Variants in RYR2 observed in about 807,000 individuals in gnomAD.
The protein encoded by RYR2 is ryanodine receptor 2, also known as cardiac muscle ryanodine receptor-calcium release channel.
A neutral mutation model predicts 601.1 loss-of-function variants in RYR2; 227 were observed. The ratio of observed to expected loss-of-function variants is 0.38; its 90% CI spans 0.34 to 0.42. The LOEUF is 0.42. Among genes scored for constraint, RYR2 ranks in the 10% least tolerant of loss-of-function variants. The pLI is 1.00. For missense variants in RYR2, 4,646 were observed against 6,156.5 expected (o/e 0.75, Z 8.21); for synonymous variants, 2,223 against 2,175.1 (o/e 1.02, Z -0.61).
At chr1:237,305,039 A>T (rs1327521717) in intron 2 of RYR2, among the ~76,000 whole-genome samples, 1 of 152,240 alleles carries the variant, frequency 6.6e-6, no homozygotes, top group Non-Finnish European at 1.5e-5. Context: ...GTGGAGCAGG[A>T]GGAACTTTCA....
At chr1:237,198,163 A>G (rs1680770879) in intron 1 of RYR2, among the ~76,000 whole-genome samples, 1 of 152,230 alleles carries the variant, frequency 6.6e-6, no homozygotes, top group African/African-American at 2.4e-5. Flanking sequence ...AATGGTTTCC[A>G]GAAAGCACTG....
chr1:237,498,939 C>T (rs1279899762), intron 20 of RYR2, among the ~76,000 whole-genome samples: 2 of 152,070 alleles, frequency 1.3e-5, no homozygotes, highest in African/African-American at 4.8e-5. Context: ...TCTTAAGCCA[C>T]TGGGAGTCTA....
chr1:237,567,358 C>T (rs1672189428), intron 28 of RYR2, among the ~76,000 whole-genome samples: 1 of 143,202 alleles, frequency 7.0e-6, no homozygotes, highest in African/African-American at 2.6e-5. Context: ...ATGGAGGGAT[C>T]ACTTGGGGCT....
intron 10 of RYR2, among the ~76,000 whole-genome samples, chr1:237,403,377 A>ACACTGGC (rs1703562646): frequency 6.6e-6 from 1 of 152,200 alleles, no homozygotes; most frequent in Non-Finnish European, 1.5e-5. Context: ...AAAAGTGCTT[A>ACACTGGC]AAGAAAATAT....
chr1:237,058,733 T>G (rs1662477004), intron 1 of RYR2, among the ~76,000 whole-genome samples: 2 of 128,614 alleles, frequency 1.6e-5, no homozygotes, highest in African/African-American at 5.9e-5. Flanking sequence ...CCTTCCTTCC[T>G]CCCCGGAGAC....
At chr1:237,711,723 A>G (rs1214407057) in intron 70 of RYR2, 22 bp from the exon 71 acceptor site, 7 of 1,379,264 alleles carry the variant, frequency 5.1e-6, no homozygotes, top group Non-Finnish European at 7.2e-6. Flanking sequence ...TTTTAACTGA[A>G]ATTTCCTTTG....
chr1:237,306,494 T>G (rs1056431581), intron 2 of RYR2, among the ~76,000 whole-genome samples: 2 of 152,244 alleles, frequency 1.3e-5, no homozygotes, highest in Admixed American at 1.3e-4. Flanking sequence ...TGAGGACATT[T>G]AAATTGATTT....
chr1:237,199,954 TTTTG>T (rs1230864001), intron 1 of RYR2, among the ~76,000 whole-genome samples: 1 of 152,104 alleles, frequency 6.6e-6, no homozygotes, highest in African/African-American at 2.4e-5. Flanking sequence ...ATTAGCCGAG[TTTTG>T]TTTATTATAA....
chr1:237,742,949 C>G (rs948811917), intron 80 of RYR2, among the ~76,000 whole-genome samples: 3 of 152,178 alleles, frequency 2.0e-5, no homozygotes, highest in Admixed American at 6.5e-5. Flanking sequence ...TGTTACTTAG[C>G]CCAAAGGAAA....
chr1:237,607,174 C>T (rs1677220586), intron 35 of RYR2, among the ~76,000 whole-genome samples: 1 of 152,156 alleles, frequency 6.6e-6, no homozygotes, highest in Non-Finnish European at 1.5e-5. Flanking sequence ...GGAACCAACC[C>T]AAATGTCCAT....
chr1:237,715,329 A>G (rs1272697914), intron 71 of RYR2, among the ~76,000 whole-genome samples: 1 of 152,186 alleles, frequency 6.6e-6, no homozygotes. Context: ...AAAATACCCA[A>G]TATGTGCGTA....
chr1:237,731,290 A>C (rs1690655520), intron 77 of RYR2, among the ~76,000 whole-genome samples: 1 of 152,114 alleles, frequency 6.6e-6, no homozygotes, highest in African/African-American at 2.4e-5. Context: ...AAAAAGTTGG[A>C]TGTAATTGAA....
chr1:237,157,295 CAAAAAAAAAAAAAAA>C (rs33922740), intron 1 of RYR2, among the ~76,000 whole-genome samples: 1 of 63,510 alleles, frequency 1.6e-5, no homozygotes, highest in Admixed American at 2.6e-4. Context: ...GACTCCATCT[CAAAAAAAAAAAAAAA>C]AAAAAAAAAA....
intron 27 of RYR2, among the ~76,000 whole-genome samples, chr1:237,553,738 C>T (rs1413048138): frequency 8.3e-6 from 1 of 121,076 alleles, no homozygotes; most frequent in Non-Finnish European, 1.8e-5. Flanking sequence ...AGTTTTCAGA[C>T]TAGAGGTCTT....
chr1:237,594,886 GTTTTTTTTTTTTTTTTTTTTTTTTTTTTT>G (rs776702428), intron 33 of RYR2, among the ~76,000 whole-genome samples: 2 of 60,402 alleles, frequency 3.3e-5, no homozygotes, highest in African/African-American at 9.5e-5. Context: ...ATATCACTGG[GTTTTTTTTTTTTTTTTTTTTTTTTTTTTT>G]TTTTTTTTTT....
intron 10 of RYR2, among the ~76,000 whole-genome samples, chr1:237,401,682 T>G (rs1021295251): frequency 3.9e-5 from 6 of 152,192 alleles, no homozygotes; most frequent in African/African-American, 1.4e-4. Context: ...TGCAGTTTTA[T>G]TATGTAAGAA....
intron 1 of RYR2, among the ~76,000 whole-genome samples, chr1:237,169,653 C>T (rs1202926017): frequency 9.9e-5 from 15 of 151,996 alleles, no homozygotes; most frequent in African/African-American, 2.4e-5. Context: ...AAAATAAATA[C>T]GGCTGAAATT....
At chr1:237,637,934 G>C (rs1434743120) in intron 44 of RYR2, among the ~76,000 whole-genome samples, 1 of 152,086 alleles carries the variant, frequency 6.6e-6, no homozygotes, top group Non-Finnish European at 1.5e-5. Flanking sequence ...GTGATTGTGG[G>C]TAGATGAAAA....
At chr1:237,607,810 T>G (rs1043800450) in intron 35 of RYR2, among the ~76,000 whole-genome samples, 1 of 152,188 alleles carries the variant, frequency 6.6e-6, no homozygotes, top group Non-Finnish European at 1.5e-5. Context: ...ATAGAGTAGA[T>G]AGTTTTATTA....
Sources: gnomAD v4.1 joint callset for allele counts (sites outside exome capture counted in the v4.1 genomes callset) on GRCh38, gnomAD v4.1.1 for gene constraint, MANE v1.5 for transcripts, NCBI Gene and HGNC (gene_info 2026-07-23, HGNC 2026-07-21) for gene names.